Variants in IGF2BP3 observed in about 807,000 individuals in gnomAD.
IGF2BP3 encodes the protein insulin-like growth factor 2 mRNA-binding protein 3.
Under a neutral mutation model 73.8 loss-of-function variants are expected in IGF2BP3, and 9 were observed. The ratio of observed to expected loss-of-function variants is 0.12; its 90% CI spans 0.07 to 0.21. IGF2BP3 has a LOEUF of 0.21. IGF2BP3 is among the 10% of genes least tolerant of loss of function. The probability of loss-of-function intolerance (pLI) is 1.00; values close to 1 mark genes in which losing one functional copy is unlikely to be tolerated. For missense variants in IGF2BP3, 542 were observed against 714.0 expected (o/e 0.76, Z 2.75); for synonymous variants, 258 against 256.7 (o/e 1.01, Z -0.05).
chr7:23,424,668 T>C (rs1787448539), intron 2 of IGF2BP3, among the ~76,000 whole-genome samples: 2 of 152,046 alleles, frequency 1.3e-5, no homozygotes, highest in Non-Finnish European at 2.9e-5. Flanking sequence ...GAGAACTGCC[T>C]GAAACCAGGA....
At chr7:23,364,289 G>A (rs1342641611) in intron 3 of IGF2BP3, among the ~76,000 whole-genome samples, 1 of 151,554 alleles carries the variant, frequency 6.6e-6, no homozygotes. Flanking sequence ...CAGGAGAACT[G>A]CTTGAACCCA....
chr7:23,335,139 T>A (rs1197190929), intron 10 of IGF2BP3, among the ~76,000 whole-genome samples: 2 of 144,714 alleles, frequency 1.4e-5, no homozygotes, highest in Non-Finnish European at 3.0e-5. Context: ...CCAAGGCTTC[T>A]CAGAGATAAT....
chr7:23,469,893 A>C lies in IGF2BP3; in HGVS notation c.175+43T>G. The C allele has an allele frequency of 6.7e-7, 1 of 1,490,208 alleles. No homozygotes were observed. The highest frequency in any genetic ancestry group is 8.9e-7 in the Non-Finnish European group (1 of 1,118,178). The allele number at this position is 1,490,208 out of a possible 1,614,324, so 92.3% of individuals were successfully genotyped here. On this transcript the variant is annotated intron_variant, in intron 1 of 14. Coordinates refer to ENST00000258729, the MANE Select transcript of IGF2BP3 (RefSeq NM_006547.3). The surrounding 1 kb of genome is among the most constrained non-coding windows in gnomAD (Gnocchi z 6.1). ...CCCGGTGGGCCTGGGCGGGCGGTGCAGGGCTGGGGCGAGAGCCCGGGTGGG... is the reference window on the plus strand; with the variant it reads ...CCCGGTGGGCCTGGGCGGGCGGTGCCGGGCTGGGGCGAGAGCCCGGGTGGG...
At chr7:23,379,895 A>G (rs1458722267) in intron 3 of IGF2BP3, among the ~76,000 whole-genome samples, 1 of 152,118 alleles carries the variant, frequency 6.6e-6, no homozygotes, top group East Asian at 1.9e-4. Context: ...GGGCAATTCC[A>G]TGCATCTCTT....
intron 2 of IGF2BP3, among the ~76,000 whole-genome samples, chr7:23,433,848 G>C (rs952118234): frequency 1.3e-5 from 2 of 152,152 alleles, no homozygotes; most frequent in African/African-American, 4.8e-5. Context: ...GCCGAGGCGG[G>C]AGGATCATCT....
At chr7:23,394,720 C>T (rs1263199643) in intron 3 of IGF2BP3, 1 of 152,168 alleles carries the variant, frequency 6.6e-6, no homozygotes, top group African/African-American at 2.4e-5. Context: ...AAGCAAAGGT[C>T]CTGTTTTCAA....
At chr7:23,448,432 C>T (rs1034664346) in intron 2 of IGF2BP3, among the ~76,000 whole-genome samples, 5 of 152,142 alleles carry the variant, frequency 3.3e-5, no homozygotes, top group Non-Finnish European at 2.9e-5. Context: ...ATTTTAGAGA[C>T]AGGATCTCAC....
intron 2 of IGF2BP3, among the ~76,000 whole-genome samples, chr7:23,458,033 C>T (rs1584066796): frequency 6.6e-6 from 1 of 152,310 alleles, no homozygotes; most frequent in East Asian, 1.9e-4. Flanking sequence ...CTATTTACAT[C>T]CATCCAGCTT....
At chr7:23,449,924 A>G (rs1000673188) in intron 2 of IGF2BP3, among the ~76,000 whole-genome samples, 2 of 152,162 alleles carry the variant, frequency 1.3e-5, no homozygotes, top group African/African-American at 4.8e-5. Flanking sequence ...AGTATGGTAT[A>G]AGGAATCCCT....
At chr7:23,436,441 A>G (rs1235445749) in intron 2 of IGF2BP3, among the ~76,000 whole-genome samples, 1 of 152,206 alleles carries the variant, frequency 6.6e-6, no homozygotes, top group African/African-American at 2.4e-5. Context: ...CTAGGTGATC[A>G]GTATAGGAGG....
intron 3 of IGF2BP3, among the ~76,000 whole-genome samples, chr7:23,366,988 CTTTTT>C (rs397942338): frequency 3.4e-5 from 4 of 116,182 alleles, no homozygotes; most frequent in African/African-American, 1.3e-4. Flanking sequence ...TCACATTTTG[CTTTTT>C]TTTTTTTTTT....
At chr7:23,344,416 G>A (rs1274589554) in intron 8 of IGF2BP3, among the ~76,000 whole-genome samples, 7 of 152,194 alleles carry the variant, frequency 4.6e-5, no homozygotes, top group Admixed American at 3.9e-4. Context: ...TTAGATTGAA[G>A]TAGGCTGGAG....
chr7:23,407,971 G>A (rs1584005208), intron 3 of IGF2BP3, among the ~76,000 whole-genome samples: 28 of 114,204 alleles, frequency 2.5e-4, no homozygotes, highest in South Asian at 1.6e-3. Flanking sequence ...GGGGGGGGGG[G>A]GAGTCAATGT....
chr7:23,406,153 C>A (rs946853589), intron 3 of IGF2BP3, among the ~76,000 whole-genome samples: 1 of 151,792 alleles, frequency 6.6e-6, no homozygotes, highest in Non-Finnish European at 1.5e-5. Flanking sequence ...ATCTAAAACA[C>A]TGATGGAGGG....
chr7:23,434,829 T>TA (rs563784197), intron 2 of IGF2BP3, among the ~76,000 whole-genome samples: 187 of 151,588 alleles, frequency 1.2e-3, no homozygotes, highest in Middle Eastern at 3.4e-3. Flanking sequence ...ACAAACAAGT[T>TA]AAAAAAAAAC....
At chr7:23,407,528 G>A (rs755727457) in intron 3 of IGF2BP3, among the ~76,000 whole-genome samples, 1 of 149,086 alleles carries the variant, frequency 6.7e-6, no homozygotes, top group Non-Finnish European at 1.5e-5. Flanking sequence ...AGAATCACTT[G>A]AACCAGGAGG....
At chr7:23,447,392 G>A (rs1788091285) in intron 2 of IGF2BP3, among the ~76,000 whole-genome samples, 1 of 152,054 alleles carries the variant, frequency 6.6e-6, no homozygotes, top group Admixed American at 6.5e-5. Context: ...AGGAGGCCAA[G>A]GCAGGTAGAT....
At chr7:23,397,724 G>A (rs1279535792) in intron 3 of IGF2BP3, among the ~76,000 whole-genome samples, 1 of 152,166 alleles carries the variant, frequency 6.6e-6, no homozygotes, top group African/African-American at 2.4e-5. Flanking sequence ...CCACTCTCAA[G>A]GCTGTGGTCC....
intron 6 of IGF2BP3, among the ~76,000 whole-genome samples, chr7:23,348,348 T>C (rs1784881981): frequency 1.3e-5 from 2 of 152,194 alleles, no homozygotes; most frequent in African/African-American, 2.4e-5. Context: ...TAATTATATG[T>C]CTGCCAGCTA....
Sources: allele counts gnomAD v4.1 joint callset (sites outside exome capture counted in the v4.1 genomes callset), GRCh38; gene constraint gnomAD v4.1.1; non-coding constraint Gnocchi (gnomAD v3.1); transcripts MANE v1.5; gene names NCBI Gene and HGNC (gene_info 2026-07-23, HGNC 2026-07-21).